Variants in SLAIN1 observed in about 807,000 individuals in gnomAD.
SLAIN1 encodes SLAIN motif-containing protein 1.
Under a neutral mutation model 55.4 loss-of-function variants are expected in SLAIN1, and 17 were observed. The ratio of observed to expected loss-of-function variants is 0.31; its 90% confidence interval spans 0.21 to 0.46. The LOEUF is 0.46. SLAIN1 is among the 20% of genes least tolerant of loss of function. SLAIN1 has a pLI of 1.00. For synonymous variants in SLAIN1, 348 were observed against 337.4 expected (o/e 1.03, Z -0.35); for missense variants, 682 against 785.1 (o/e 0.87, Z 1.57).
intron 6 of SLAIN1, among the ~76,000 whole-genome samples, chr13:77,761,730 A>T (rs1184623167): frequency 2.0e-5 from 3 of 147,520 alleles, no homozygotes; most frequent in African/African-American, 7.4e-5. Context: ...CCAGGTAGTA[A>T]TTTTTTTTTT....
At chr13:77,717,145 A>G (rs1334981156) in intron 1 of SLAIN1, among the ~76,000 whole-genome samples, 2 of 152,070 alleles carry the variant, frequency 1.3e-5, no homozygotes, top group African/African-American at 4.8e-5. Context: ...TGATGTTTGA[A>G]TTTGTACCAA....
intron 1 of SLAIN1, among the ~76,000 whole-genome samples, chr13:77,714,095 A>G (rs2091181935): frequency 6.6e-6 from 1 of 152,138 alleles, no homozygotes; most frequent in Non-Finnish European, 1.5e-5. Context: ...GGGTGCAGCA[A>G]ACCACTATGG....
chr13:77,745,304 C>A (rs1328576652), intron 3 of SLAIN1, among the ~76,000 whole-genome samples: 1 of 151,962 alleles, frequency 6.6e-6, no homozygotes, highest in Non-Finnish European at 1.5e-5. Flanking sequence ...ACTGCCAATA[C>A]CCTGGCTGTC....
At chr13:77,750,357 T>C (rs1229778634) in intron 4 of SLAIN1, among the ~76,000 whole-genome samples, 1 of 152,136 alleles carries the variant, frequency 6.6e-6, no homozygotes, top group Non-Finnish European at 1.5e-5. Flanking sequence ...CTCAATAGCA[T>C]ATAATTATGT....
intron 4 of SLAIN1, among the ~76,000 whole-genome samples, chr13:77,751,856 T>C (rs555880855): frequency 2.0e-4 from 31 of 152,184 alleles, no homozygotes; most frequent in Admixed American, 6.5e-4. Flanking sequence ...GAATTAGTTA[T>C]GGCTTAGTAC....
Position 77,755,539 on chromosome 13 carries a change from A to C in SLAIN1, c.1414+2181A>C, listed in dbSNP as rs147034685. Among the ~76,000 whole-genome samples, 305 of 152,310 alleles carry C rather than the reference A, an allele frequency of 2.0e-3. 2 individuals are homozygous for C. Among genetic ancestry groups the C allele is most frequent in the Non-Finnish European group, 2.8e-3 (190 of 68,022 alleles). Reference sequence around the variant, plus strand: ...ATTGAAGTGCCCCCAAAATGACGGGAAAATGTCAAAAGGATACAGGAACCA... The same window carrying C: ...ATTGAAGTGCCCCCAAAATGACGGGCAAATGTCAAAAGGATACAGGAACCA... On this transcript the variant is annotated intron_variant, in intron 5 of 6. Coordinates refer to ENST00000418532, the MANE Select transcript of SLAIN1 (RefSeq NM_001242868.2).
At chr13:77,735,607 A>G (rs1237505882) in intron 2 of SLAIN1, among the ~76,000 whole-genome samples, 1 of 152,186 alleles carries the variant, frequency 6.6e-6, no homozygotes, top group East Asian at 1.9e-4. Context: ...TAACCCATGA[A>G]TATTAAATTC....
At chr13:77,715,119 G>T (rs2091193945) in intron 1 of SLAIN1, among the ~76,000 whole-genome samples, 1 of 152,084 alleles carries the variant, frequency 6.6e-6, no homozygotes, top group Non-Finnish European at 1.5e-5. Flanking sequence ...GCCCACCTTG[G>T]TCTCTAAAAG....
At chr13:77,714,177 A>T (rs1219562665) in intron 1 of SLAIN1, among the ~76,000 whole-genome samples, 1 of 152,152 alleles carries the variant, frequency 6.6e-6, no homozygotes, top group Non-Finnish European at 1.5e-5. Context: ...ATAGTAATAA[A>T]AAAATAAGGA....
intron 5 of SLAIN1, among the ~76,000 whole-genome samples, chr13:77,759,047 T>C (rs1233044727): frequency 6.6e-6 from 1 of 152,208 alleles, no homozygotes; most frequent in Non-Finnish European, 1.5e-5. Flanking sequence ...TTCACAGTAT[T>C]GATTCTTCCA....
chr13:77,701,731 ATTCTTTCT>A (rs146961423), intron 1 of SLAIN1, among the ~76,000 whole-genome samples: 72 of 150,328 alleles, frequency 4.8e-4, no homozygotes, highest in South Asian at 2.0e-3. Flanking sequence ...CAGAACCTGA[ATTCTTTCT>A]TTCTTTCTTT....
intron 1 of SLAIN1, among the ~76,000 whole-genome samples, chr13:77,710,050 G>A (rs1030745172): frequency 6.6e-6 from 1 of 152,056 alleles, no homozygotes; most frequent in Non-Finnish European, 1.5e-5. Context: ...GGGATTACAG[G>A]TGTGAGCCAC....
intron 4 of SLAIN1, among the ~76,000 whole-genome samples, chr13:77,752,719 G>A (rs1370982715): frequency 6.6e-6 from 1 of 152,174 alleles, no homozygotes. Flanking sequence ...ACTGATGTAA[G>A]TCCAAGAGTC....
At chr13:77,761,937 A>C (rs969641404) in intron 6 of SLAIN1, among the ~76,000 whole-genome samples, 1 of 152,208 alleles carries the variant, frequency 6.6e-6, no homozygotes, top group Non-Finnish European at 1.5e-5. Context: ...ATGAAGGAGA[A>C]GGAGAAAACC....
chr13:77,755,218 C>T (rs1874513390), intron 5 of SLAIN1, among the ~76,000 whole-genome samples: 1 of 151,852 alleles, frequency 6.6e-6, no homozygotes, highest in Non-Finnish European at 1.5e-5. Context: ...ACTTGGAAGG[C>T]CAAGGTAGGA....
Position 77,760,962 on chromosome 13 carries a change from G to A in SLAIN1, c.1549G>A (p.Gly517Ser), listed in dbSNP as rs531886677. ...QGSSNMPLSN[G>S]LQLYSNTGIP... Reference sequence around the variant, plus strand: ...CAGCAGTAACATGCCTTTATCAAACGGCTTACAGCTGTATTCCAACACAGG... The same window carrying A: ...CAGCAGTAACATGCCTTTATCAAACAGCTTACAGCTGTATTCCAACACAGG... Residue 517 changes from glycine to serine, a missense_variant, in exon 6 of 7, where the codon GGC becomes AGC. Physicochemically the swap from Gly to Ser is moderately conservative, Grantham distance 56 (BLOSUM62 0). This residue lies in a region of SLAIN1 where 244 missense variants were observed against 295.2 expected (regional missense o/e 0.83). Transcript: ENST00000418532. The A allele has an allele frequency of 2.5e-6, 4 of 1,614,104 alleles. No homozygotes were observed. The highest frequency in any genetic ancestry group is 2.5e-6 in the Non-Finnish European group (3 of 1,180,020).
chr13:77,723,609 G>A (rs1302717970), intron 2 of SLAIN1, among the ~76,000 whole-genome samples: 1 of 151,896 alleles, frequency 6.6e-6, no homozygotes, highest in African/African-American at 2.4e-5. Context: ...TTAGCTTCGG[G>A]GTTGCTGTTG....
chr13:77,711,140 G>C (rs563162276), intron 1 of SLAIN1, among the ~76,000 whole-genome samples: 1 of 152,134 alleles, frequency 6.6e-6, no homozygotes, highest in Admixed American at 6.5e-5. Context: ...AAAGATCTCA[G>C]ATCAACACCC....
At chr13:77,725,726 C>T (rs958996501) in intron 2 of SLAIN1, among the ~76,000 whole-genome samples, 1 of 152,112 alleles carries the variant, frequency 6.6e-6, no homozygotes, top group Non-Finnish European at 1.5e-5. Flanking sequence ...CCCTCTTCTA[C>T]CTTATTTCCT....
Sources: gnomAD v4.1 joint callset for allele counts (sites outside exome capture counted in the v4.1 genomes callset) on GRCh38, gnomAD v4.1.1 for gene constraint, gnomAD v4.1.1 regional missense constraint, MANE v1.5 for transcripts, NCBI Gene and HGNC (gene_info 2026-07-23, HGNC 2026-07-21) for gene names.